MED13L: variants seen among roughly 807,000 people sequenced by gnomAD.
MED13L encodes the protein mediator complex subunit 13L, also known as mediator of RNA polymerase II transcription subunit 13-like.
Under a neutral mutation model 220.9 loss-of-function variants are expected in MED13L, and 7 were observed. That is an observed-to-expected ratio of 0.03 (90% CI 0.02 to 0.06). MED13L has a LOEUF of 0.06. Among genes scored for constraint, MED13L ranks in the 10% least tolerant of loss-of-function variants. The pLI, the probability that MED13L is intolerant of heterozygous loss-of-function variation, is 1.00. For missense variants in MED13L, 1,965 were observed against 2,760.5 expected, an observed-to-expected ratio of 0.71 and a Z score of 6.46; for synonymous variants, 1,011 against 1,015.2, an observed-to-expected ratio of 1.00 and a Z score of 0.08.
intron 4 of MED13L, among the ~76,000 whole-genome samples, chr12:116,061,432 T>C (rs1869470957): frequency 6.6e-6 from 1 of 152,216 alleles, no homozygotes; most frequent in Non-Finnish European, 1.5e-5. Context: ...ACATCTTACC[T>C]ATTATAAGCT....
At chr12:116,126,332 T>G (rs1162934955) in intron 2 of MED13L, among the ~76,000 whole-genome samples, 1 of 152,150 alleles carries the variant, frequency 6.6e-6, no homozygotes, top group African/African-American at 2.4e-5. Flanking sequence ...GGCATTTTGG[T>G]TGCAAAGTTA....
chr12:116,022,665 A>G (rs2137447615), intron 4 of MED13L, 64 bp from the exon 5 acceptor site: 1 of 1,519,974 alleles, frequency 6.6e-7, no homozygotes, highest in East Asian at 2.4e-5. Flanking sequence ...TAGAAACAGG[A>G]ACTACAGGTA....
chr12:115,970,800 T>C, intron 26 of MED13L, 30 bp from the exon 27 acceptor site: 1 of 1,600,716 alleles, frequency 6.2e-7, no homozygotes, highest in Non-Finnish European at 8.5e-7. Flanking sequence ...ATTATATCAA[T>C]CAATGAACAA....
intron 30 of MED13L, 36 bp from the exon 31 acceptor site, chr12:115,961,434 C>CTCAAGAG (rs1201724325): frequency 6.2e-7 from 1 of 1,612,188 alleles, no homozygotes; most frequent in Non-Finnish European, 8.5e-7. Flanking sequence ...GGGCGTGAGC[C>CTCAAGAG]TCAAGAGGGA....
intron 19 of MED13L, 55 bp from the exon 20 acceptor site, chr12:115,984,427 A>T: frequency 1.3e-6 from 2 of 1,583,184 alleles, no homozygotes; most frequent in Non-Finnish European, 1.7e-6. Context: ...TTCATTCAGT[A>T]CCAATGGTTA....
intron 2 of MED13L, among the ~76,000 whole-genome samples, chr12:116,166,159 G>A (rs1372891648): frequency 6.6e-6 from 1 of 152,172 alleles, no homozygotes; most frequent in Non-Finnish European, 1.5e-5. Flanking sequence ...AGGCCAGGAG[G>A]TGAAGAACAG....
intron 2 of MED13L, among the ~76,000 whole-genome samples, chr12:116,117,608 T>G (rs985490335): frequency 6.6e-6 from 1 of 151,882 alleles, no homozygotes; most frequent in African/African-American, 2.4e-5. Context: ...AAAAGCATTC[T>G]CTAAATCCAA....
chr12:116,252,197 A>C (rs1414835725), intron 1 of MED13L, among the ~76,000 whole-genome samples: 1 of 152,176 alleles, frequency 6.6e-6, no homozygotes, highest in Non-Finnish European at 1.5e-5. Flanking sequence ...ATTGACATTT[A>C]TAAAACATTA....
At chr12:115,982,888 ATAGT>A (rs1194759857) in intron 21 of MED13L, among the ~76,000 whole-genome samples, 1 of 152,170 alleles carries the variant, frequency 6.6e-6, no homozygotes, top group African/African-American at 2.4e-5. Flanking sequence ...AATTAAGTTG[ATAGT>A]AAGTAAGTTT....
At chr12:115,989,609 T>A (rs1354825236) in intron 17 of MED13L, among the ~76,000 whole-genome samples, 1 of 152,100 alleles carries the variant, frequency 6.6e-6, no homozygotes, top group Non-Finnish European at 1.5e-5. Flanking sequence ...TACCTGGATA[T>A]ATCAAAAGGG....
intron 2 of MED13L, among the ~76,000 whole-genome samples, chr12:116,113,420 T>C (rs1874248061): frequency 6.6e-6 from 1 of 150,586 alleles, no homozygotes; most frequent in South Asian, 2.1e-4. Context: ...AAGGATTGCT[T>C]GAGCCCAGCA....
At chr12:116,197,010 T>G (rs1032747725) in intron 2 of MED13L, among the ~76,000 whole-genome samples, 2 of 152,224 alleles carry the variant, frequency 1.3e-5, no homozygotes, top group East Asian at 1.9e-4. Flanking sequence ...GTAACCATAT[T>G]AAGTCTGAAA....
At chr12:116,195,559 C>A (rs1881568252) in intron 2 of MED13L, among the ~76,000 whole-genome samples, 1 of 152,090 alleles carries the variant, frequency 6.6e-6, no homozygotes, top group Non-Finnish European at 1.5e-5. Flanking sequence ...CAAAGCGATT[C>A]TCCTGCCTCA....
intron 1 of MED13L, among the ~76,000 whole-genome samples, chr12:116,269,466 C>CAAAAAAAAAAAAAAAA (rs34100053): frequency 4.3e-5 from 3 of 69,132 alleles, no homozygotes; most frequent in Non-Finnish European, 7.6e-5. Flanking sequence ...TTAAACTATG[C>CAAAAAAAAAAAAAAAA]AAAAAAAAAA....
rs1592942104 is a variant in MED13L at position 116,008,628 on chromosome 12, C to G, written c.1785G>C (p.Leu595=). The G allele has an allele frequency of 1.9e-6, 3 of 1,614,062 alleles. No individual in the cohort carries two copies. Among genetic ancestry groups the G allele is most frequent in the Non-Finnish European group, 2.5e-6 (3 of 1,180,002 alleles). Residue 595 remains leucine (L), a synonymous_variant, in exon 10 of 31, where the codon CTG becomes CTC. Coordinates refer to ENST00000281928, the MANE Select transcript of MED13L (RefSeq NM_015335.5). ...GGCCTACGAGGACAGTTCTGTCATC[C>G]AGAGTAGACAACTGCTGGAGTTCTA... ...NGLELQQLST[L]DDRTVLVGQR...
chr12:116,160,968 C>A (rs549974082), intron 2 of MED13L, among the ~76,000 whole-genome samples: 6 of 152,066 alleles, frequency 3.9e-5, no homozygotes, highest in Non-Finnish European at 7.4e-5. Flanking sequence ...ATATCTGAGA[C>A]TCGGTAATTT....
At chr12:116,058,759 T>G (rs542010255) in intron 4 of MED13L, among the ~76,000 whole-genome samples, 1 of 152,104 alleles carries the variant, frequency 6.6e-6, no homozygotes, top group Non-Finnish European at 1.5e-5. Context: ...CATAGTAGAG[T>G]AGACGGTGGT....
intron 2 of MED13L, among the ~76,000 whole-genome samples, chr12:116,152,412 G>A (rs186474197): frequency 2.0e-5 from 3 of 152,210 alleles, no homozygotes; most frequent in South Asian, 4.1e-4. Flanking sequence ...TGATTAAAGC[G>A]TCAAGTTTTG....
intron 1 of MED13L, among the ~76,000 whole-genome samples, chr12:116,257,540 A>T (rs1872162502): frequency 1.3e-5 from 2 of 152,194 alleles, no homozygotes; most frequent in Non-Finnish European, 2.9e-5. Context: ...CCATAAACTA[A>T]GAACAGTGTA....
Sources: gnomAD v4.1 joint callset for allele counts (sites outside exome capture counted in the v4.1 genomes callset) on GRCh38, gnomAD v4.1.1 for gene constraint, MANE v1.5 for transcripts, NCBI Gene and HGNC (gene_info 2026-07-23, HGNC 2026-07-21) for gene names.